The following DLC1 variants were observed in gnomAD, a reference collection of about 807,000 sequenced individuals.
The protein encoded by DLC1 is rho GTPase-activating protein 7.
Under a neutral mutation model 140.3 loss-of-function variants are expected in DLC1, and 54 were observed. The ratio of observed to expected loss-of-function variants is 0.38; its 90% CI spans 0.31 to 0.48. The LOEUF (loss-of-function observed/expected upper bound fraction) is 0.48, where lower values mean the gene tolerates loss of function less well. DLC1 is among the 20% of genes least tolerant of loss of function. The pLI is 0.96. For synonymous variants in DLC1, 986 were observed against 728.1 expected, an observed-to-expected ratio of 1.35 and a Z score of -5.70; for missense variants, 2,536 against 1,907.0, an observed-to-expected ratio of 1.33 and a Z score of -6.14.
intron 5 of DLC1, among the ~76,000 whole-genome samples, chr8:13,128,727 C>T (rs557538431): frequency 1.3e-5 from 2 of 151,666 alleles, no homozygotes; most frequent in African/African-American, 4.8e-5. Context: ...CCCAGCTACT[C>T]GGGAGGCTGG....
At chr8:13,115,679 A>T in intron 5 of DLC1, 22 bp from the exon 6 acceptor site, 1 of 1,611,594 alleles carries the variant, frequency 6.2e-7, no homozygotes, top group South Asian at 1.1e-5. Flanking sequence ...CAGAAGAAAG[A>T]CAAAATTAGC....
intron 1 of DLC1, among the ~76,000 whole-genome samples, chr8:13,526,986 C>T (rs984146811): frequency 2.6e-5 from 4 of 152,130 alleles, no homozygotes; most frequent in African/African-American, 9.7e-5. Flanking sequence ...AAATATATTT[C>T]ATTTTGGAAC....
intron 5 of DLC1, among the ~76,000 whole-genome samples, chr8:13,168,870 G>C (rs895054939): frequency 6.6e-6 from 1 of 152,166 alleles, no homozygotes; most frequent in Non-Finnish European, 1.5e-5. Flanking sequence ...AATGAAGTCG[G>C]TGATTAGAAT....
intron 1 of DLC1, among the ~76,000 whole-genome samples, chr8:13,511,742 T>G (rs1467998987): frequency 2.6e-5 from 4 of 152,162 alleles, no homozygotes; most frequent in Non-Finnish European, 5.9e-5. Flanking sequence ...CATGTCTCTA[T>G]TTTGATAATA....
chr8:13,533,762 G>C (rs1803178629), intron 1 of DLC1, among the ~76,000 whole-genome samples: 1 of 152,110 alleles, frequency 6.6e-6, no homozygotes, highest in South Asian at 2.1e-4. Context: ...TGGAGGGAGG[G>C]ACTTGGTTGG....
chr8:13,235,577 A>C (rs1829238282), intron 5 of DLC1, among the ~76,000 whole-genome samples: 1 of 152,096 alleles, frequency 6.6e-6, no homozygotes, highest in Non-Finnish European at 1.5e-5. Flanking sequence ...CAGATGAGAC[A>C]TGGAAGAAAG....
intron 4 of DLC1, among the ~76,000 whole-genome samples, chr8:13,389,928 T>G (rs1836676193): frequency 6.6e-6 from 1 of 152,182 alleles, no homozygotes; most frequent in African/African-American, 2.4e-5. Context: ...TCTTAGAATT[T>G]CATATTTCTA....
Position 13,324,140 on chromosome 8 carries a change from TTTG to T in DLC1, c.1315-18841_1315-18839del, listed in dbSNP as rs1297253680. Among the ~76,000 whole-genome samples, 6 of 152,332 alleles carry T rather than the reference TTTG, an allele frequency of 3.9e-5. No homozygotes were observed. In the East Asian group the frequency reaches 5.8e-4, roughly 15 times the overall value. On this transcript the variant is annotated intron_variant, in intron 4 of 17. Transcript: ENST00000276297. The stretch of plus-strand genomic sequence containing the variant: ...GAGATCTGAAGGTGTTTTTAATTTT[TTTG>T]TTGTTGTTGCTGCAGATTTTTTTCA...
At chr8:13,438,889 G>C (rs188755937) in intron 2 of DLC1, among the ~76,000 whole-genome samples, 4 of 152,236 alleles carry the variant, frequency 2.6e-5, no homozygotes, top group Non-Finnish European at 5.9e-5. Context: ...TTTCCATAAA[G>C]GACTGAAGTG....
At chr8:13,098,626 T>G (rs1818714623) in intron 9 of DLC1, 51 bp from the exon 10 acceptor site, 3 of 1,535,188 alleles carry the variant, frequency 2.0e-6, no homozygotes, top group East Asian at 2.4e-5. Flanking sequence ...TTATTTGATT[T>G]TATTTATTTT....
intron 4 of DLC1, among the ~76,000 whole-genome samples, chr8:13,310,925 TC>T (rs1832643821): frequency 6.6e-6 from 1 of 152,232 alleles, no homozygotes; most frequent in African/African-American, 2.4e-5. Context: ...TTTTACTATA[TC>T]CATGTATCAT....
At chr8:13,138,989 T>C (rs1822768727) in intron 5 of DLC1, among the ~76,000 whole-genome samples, 1 of 152,056 alleles carries the variant, frequency 6.6e-6, no homozygotes, top group Non-Finnish European at 1.5e-5. Flanking sequence ...CCAGTGATAT[T>C]TTTAAGAGAG....
rs1283422543 is a variant in DLC1 at position 13,514,717 on chromosome 8, T to A, written c.-241A>T. 1 of 398,344 alleles carries A rather than the reference T, an allele frequency of 2.5e-6. No individual in the cohort carries two copies. Among genetic ancestry groups the A allele is most frequent in the Non-Finnish European group, 4.4e-6 (1 of 225,964 alleles). 24.7% of individuals were successfully genotyped at this position (398,344 alleles called of 1,614,324 possible). ...CTAAGTTCCCATTTCGTGGTTGAGA[T>A]CATGGCTCTATTCTGAGCAGTTTCA... is the stretch of plus-strand genomic sequence containing the variant. On this transcript the variant is annotated 5_prime_UTR_variant, in exon 1 of 18. Coordinates refer to ENST00000276297, the MANE Select transcript of DLC1 (RefSeq NM_182643.3).
chr8:13,493,137 T>C (rs1201885870), intron 2 of DLC1, among the ~76,000 whole-genome samples: 1 of 152,202 alleles, frequency 6.6e-6, no homozygotes, highest in East Asian at 1.9e-4. Flanking sequence ...ACAAGGGGAT[T>C]TGGGAAGCAC....
intron 7 of DLC1, among the ~76,000 whole-genome samples, chr8:13,110,281 A>G (rs1819970803): frequency 6.6e-6 from 1 of 152,138 alleles, no homozygotes; most frequent in African/African-American, 2.4e-5. Flanking sequence ...GACCATGCTG[A>G]GTTATTTTAT....
chr8:13,277,227 G>A (rs1831208478), intron 5 of DLC1, among the ~76,000 whole-genome samples: 1 of 152,230 alleles, frequency 6.6e-6, no homozygotes, highest in African/African-American at 2.4e-5. Context: ...GGGAAAAATC[G>A]CTTGAGCCCA....
intron 5 of DLC1, among the ~76,000 whole-genome samples, chr8:13,183,767 C>T (rs543511167): frequency 5.3e-4 from 80 of 152,216 alleles, no homozygotes; most frequent in African/African-American, 1.9e-3. Flanking sequence ...GGATATTGGT[C>T]TAAAATTCTC....
chr8:13,208,034 C>T (rs994024911), intron 5 of DLC1, among the ~76,000 whole-genome samples: 1 of 152,070 alleles, frequency 6.6e-6, no homozygotes, highest in Non-Finnish European at 1.5e-5. Flanking sequence ...TTTAATTCAC[C>T]ATAGTATTTT....
chr8:13,256,280 T>C (rs551932370), intron 5 of DLC1, among the ~76,000 whole-genome samples: 1 of 152,360 alleles, frequency 6.6e-6, no homozygotes, highest in East Asian at 1.9e-4. Context: ...AGGTTTTACA[T>C]AGACTAAATT....
Sources: allele counts gnomAD v4.1 joint callset (sites outside exome capture counted in the v4.1 genomes callset), GRCh38; gene constraint gnomAD v4.1.1; transcripts MANE v1.5; gene names NCBI Gene and HGNC (gene_info 2026-07-23, HGNC 2026-07-21).